Variants in ABTB3 observed in about 807,000 individuals in gnomAD.
ABTB3 encodes ankyrin repeat and BTB domain containing 3, also known as ankyrin repeat- and BTB/POZ domain-containing protein 3.
At chr12:107,319,147 C>G in the ABTB3 span, 1 of 1,603,038 alleles carries the variant, frequency 6.2e-7, no homozygotes, top group African/African-American at 1.3e-5. Context: ...TTGACACTGT[C>G]AACACTGCCC....
At chr12:107,640,512 G>C in the ABTB3 span, 1 of 683,688 alleles carries the variant, frequency 1.5e-6, no homozygotes, top group Non-Finnish European at 2.4e-6. Context: ...CGCCGGACTG[G>C]CTGGTCATCT....
chr12:107,334,281 C>G, the ABTB3 span, among the ~76,000 whole-genome samples: 1 of 152,080 alleles, frequency 6.6e-6, no homozygotes, highest in Non-Finnish European at 1.5e-5. Flanking sequence ...TCCAATAGCC[C>G]AGGCAGGAGA....
chr12:107,429,666 C>T, the ABTB3 span, among the ~76,000 whole-genome samples: 1 of 152,184 alleles, frequency 6.6e-6, no homozygotes, highest in African/African-American at 2.4e-5. Flanking sequence ...TCGTTTTCTC[C>T]AGGGCTCTGC....
At chr12:107,399,676 T>C in the ABTB3 span, among the ~76,000 whole-genome samples, 2 of 152,196 alleles carry the variant, frequency 1.3e-5, no homozygotes, top group South Asian at 2.1e-4. Context: ...TTTTTAAAAT[T>C]TTATTTTATT....
At chr12:107,599,504 C>G in the ABTB3 span, among the ~76,000 whole-genome samples, 10 of 152,206 alleles carry the variant, frequency 6.6e-5, no homozygotes, top group Non-Finnish European at 1.0e-4. Context: ...CTACTGGATA[C>G]CATCCATCTC....
At chr12:107,651,700 G>C in the ABTB3 span, 5 of 1,614,134 alleles carry the variant, frequency 3.1e-6, no homozygotes, top group East Asian at 1.1e-4. Flanking sequence ...AGTTTTTCCA[G>C]CTGGAGGCTT....
At chr12:107,462,315 A>G in the ABTB3 span, among the ~76,000 whole-genome samples, 1 of 152,230 alleles carries the variant, frequency 6.6e-6, no homozygotes, top group Non-Finnish European at 1.5e-5. Flanking sequence ...ACAGTTTCTG[A>G]GAGCGGAGAA....
chr12:107,656,319 A>G, the ABTB3 span, among the ~76,000 whole-genome samples: 7 of 151,806 alleles, frequency 4.6e-5, no homozygotes, highest in South Asian at 2.1e-4. Context: ...AAAATTAGAC[A>G]TGGTCTCTGG....
At chr12:107,330,723 A>G in the ABTB3 span, among the ~76,000 whole-genome samples, 1 of 152,232 alleles carries the variant, frequency 6.6e-6, no homozygotes, top group Non-Finnish European at 1.5e-5. Flanking sequence ...CGTGGGAAGC[A>G]TAGTGGGATG....
chr12:107,540,395 G>A, the ABTB3 span, among the ~76,000 whole-genome samples: 72 of 152,290 alleles, frequency 4.7e-4, no homozygotes, highest in Admixed American at 2.5e-3. Context: ...CACACTGGGT[G>A]AGGACAGGTC....
the ABTB3 span, among the ~76,000 whole-genome samples, chr12:107,629,142 C>T: frequency 3.9e-5 from 6 of 152,110 alleles, no homozygotes; most frequent in South Asian, 2.1e-4. Flanking sequence ...CAGGGCCAGG[C>T]GTGGTGGCTC....
chr12:107,438,967 C>T, the ABTB3 span, among the ~76,000 whole-genome samples: 1 of 152,138 alleles, frequency 6.6e-6, no homozygotes, highest in Non-Finnish European at 1.5e-5. Flanking sequence ...CAATATTAGG[C>T]AATTAGCAAA....
the ABTB3 span, among the ~76,000 whole-genome samples, chr12:107,525,809 G>A: frequency 1.3e-5 from 2 of 152,138 alleles, no homozygotes; most frequent in Non-Finnish European, 2.9e-5. Flanking sequence ...ATGGCTTGAG[G>A]TAAAAACATA....
chr12:107,447,970 G>A, the ABTB3 span, among the ~76,000 whole-genome samples: 3 of 152,174 alleles, frequency 2.0e-5, no homozygotes, highest in African/African-American at 2.4e-5. Context: ...AAATGTTTAC[G>A]AAGGAGTTGC....
the ABTB3 span, among the ~76,000 whole-genome samples, chr12:107,434,013 C>T: frequency 6.6e-6 from 1 of 152,190 alleles, no homozygotes; most frequent in Admixed American, 6.5e-5. Flanking sequence ...AGGGCTCCAT[C>T]CTCATGACCT....
the ABTB3 span, among the ~76,000 whole-genome samples, chr12:107,469,996 C>CT: frequency 2.1e-5 from 2 of 96,008 alleles, no homozygotes; most frequent in Non-Finnish European, 3.9e-5. Flanking sequence ...TTCTTTCTTT[C>CT]TTTCTTTCTT....
the ABTB3 span, among the ~76,000 whole-genome samples, chr12:107,505,321 C>T: frequency 6.6e-6 from 1 of 151,982 alleles, no homozygotes; most frequent in African/African-American, 2.4e-5. Flanking sequence ...ACCAGCCCTA[C>T]CTAATTTTAA....
the ABTB3 span, among the ~76,000 whole-genome samples, chr12:107,473,342 C>A: frequency 6.6e-6 from 1 of 152,040 alleles, no homozygotes; most frequent in African/African-American, 2.4e-5. Flanking sequence ...ACTCCCACAG[C>A]ATGGATTCAT....
chr12:107,566,829 C>T, the ABTB3 span, among the ~76,000 whole-genome samples: 1 of 152,194 alleles, frequency 6.6e-6, no homozygotes, highest in Admixed American at 6.5e-5. Context: ...GGGGCAGTGA[C>T]TCACATCTGT....
Sources: gnomAD v4.1 joint callset for allele counts (sites outside exome capture counted in the v4.1 genomes callset) on GRCh38, gnomAD v4.1.1 for gene constraint, MANE v1.5 for transcripts, NCBI Gene and HGNC (gene_info 2026-07-23, HGNC 2026-07-21) for gene names.